The following RBM26 variants were observed in gnomAD, a reference collection of about 807,000 sequenced individuals.
RBM26 encodes RNA binding motif protein 26, also known as RNA-binding protein 26.
Under a neutral mutation model 123.6 loss-of-function variants are expected in RBM26, and 30 were observed. That is an observed-to-expected ratio of 0.24 (90% CI 0.18 to 0.33). RBM26 has a LOEUF of 0.33. RBM26 is among the 10% of genes least tolerant of loss of function. The probability of loss-of-function intolerance (pLI) is 1.00; values close to 1 mark genes in which losing one functional copy is unlikely to be tolerated. For missense variants in RBM26, 947 were observed against 1,203.6 expected, an observed-to-expected ratio of 0.79 and a Z score of 3.15; for synonymous variants, 400 against 404.4, an observed-to-expected ratio of 0.99 and a Z score of 0.13.
At chr13:79,382,535 TA>T in intron 1 of RBM26, among the ~76,000 whole-genome samples, 1 of 152,284 alleles carries the variant, frequency 6.6e-6, no homozygotes, top group African/African-American at 2.4e-5. Context: ...CAACTGCAAT[TA>T]CTCTTCTGTG....
intron 20 of RBM26, among the ~76,000 whole-genome samples, chr13:79,331,718 A>G (rs1340458960): frequency 6.6e-6 from 1 of 152,164 alleles, no homozygotes; most frequent in Non-Finnish European, 1.5e-5. Context: ...CAGCAACTTA[A>G]TTATTCCTAT....
At chr13:79,385,261 T>C (rs2077385729) in intron 1 of RBM26, among the ~76,000 whole-genome samples, 1 of 152,168 alleles carries the variant, frequency 6.6e-6, no homozygotes, top group Non-Finnish European at 1.5e-5. Context: ...CTTCACTTAA[T>C]TCAAACAAGA....
At chr13:79,387,828 T>G in intron 1 of RBM26, among the ~76,000 whole-genome samples, 1 of 152,222 alleles carries the variant, frequency 6.6e-6, no homozygotes, top group East Asian at 1.9e-4. Flanking sequence ...AAATAAATTC[T>G]ACTTAATAGA....
chr13:79,396,576 C>A (rs1211424035), intron 1 of RBM26, among the ~76,000 whole-genome samples: 1 of 152,036 alleles, frequency 6.6e-6, no homozygotes, highest in Non-Finnish European at 1.5e-5. Context: ...CAGCCCTATA[C>A]CTATTAAAGA....
Position 79,355,439 on chromosome 13 carries a change from A to G in RBM26, c.1690-55T>C, listed in dbSNP as rs1220087858. On this transcript the variant is annotated intron_variant, in intron 11 of 21. Transcript: ENST00000438737. Reference sequence around the variant, plus strand: ...TTTCCAAAGGAATCTGTTGCTTCATAGAGTAAAATTCCCCAGTAAGTGAAA... The same window carrying G: ...TTTCCAAAGGAATCTGTTGCTTCATGGAGTAAAATTCCCCAGTAAGTGAAA... 40 of 1,419,454 alleles carry G rather than the reference A, an allele frequency of 2.8e-5. 1 individual carries two copies. The highest frequency in any genetic ancestry group is 3.0e-5 in the Non-Finnish European group (31 of 1,023,244). 87.9% of individuals were successfully genotyped at this position (1,419,454 alleles called of 1,614,324 possible). A position where few individuals can be genotyped will look rare whatever the true frequency, so the allele number is the denominator to read the frequency against.
At chr13:79,348,257 C>G (rs1004617951) in intron 14 of RBM26, among the ~76,000 whole-genome samples, 3 of 152,006 alleles carry the variant, frequency 2.0e-5, no homozygotes, top group African/African-American at 7.2e-5. Context: ...GTATGCTGAA[C>G]TCAGAAAATA....
rs187113517 is a variant in RBM26 at position 79,366,253 on chromosome 13, T to C, written c.1136-58A>G. ...GAAAGCAAACAAATAAAACAAGTTA[T>C]TGCACATCCGAACATAATCTTCTCA... On this transcript the variant is annotated intron_variant, in intron 7 of 21. Transcript: ENST00000438737. 2.9e-4 allele frequency: 453 copies of C among 1,551,734 alleles called. 2 individuals are homozygous for C. The highest frequency in any genetic ancestry group is 7.8e-4 in the Admixed American group (43 of 55,000).
At chr13:79,392,499 T>C (rs1387704044) in intron 1 of RBM26, among the ~76,000 whole-genome samples, 1 of 146,632 alleles carries the variant, frequency 6.8e-6, no homozygotes, top group Non-Finnish European at 1.5e-5. Context: ...ATCACATATA[T>C]TCTAATATAT....
intron 3 of RBM26, among the ~76,000 whole-genome samples, chr13:79,373,517 ATATTACTATATATATTTATATAATATAT>A (rs1355376396): frequency 0.51 from 48,767 of 95,186 alleles, 13,853 homozygotes; most frequent in African/African-American, 0.57. Context: ...TTATTTATAT[ATATTACTATATATATTTATATAATATAT>A]TTATATATTA....
At chr13:79,359,831 A>G (rs1434682721) in intron 9 of RBM26, 145 bp from the exon 10 acceptor site, 1 of 200,296 alleles carries the variant, frequency 5.0e-6, no homozygotes, top group Admixed American at 5.8e-5. Context: ...GAAGAAATAG[A>G]AATAAATGTA....
chr13:79,399,773 GATT>G (rs2078904892), intron 1 of RBM26, among the ~76,000 whole-genome samples: 1 of 152,120 alleles, frequency 6.6e-6, no homozygotes, highest in Admixed American at 6.5e-5. Context: ...TGTCAGTAAG[GATT>G]ATTAAGAGAG....
intron 9 of RBM26, among the ~76,000 whole-genome samples, chr13:79,362,211 A>G (rs958184867): frequency 6.6e-6 from 1 of 152,172 alleles, no homozygotes; most frequent in African/African-American, 2.4e-5. Flanking sequence ...TGTCCTTCTC[A>G]ATGAATGATA....
Position 79,341,949 on chromosome 13 carries a change from C to A in RBM26, c.2427+715G>T, listed in dbSNP as rs547639907. On this transcript the variant is annotated intron_variant, in intron 17 of 21. Transcript: ENST00000438737. Reference sequence around the variant, plus strand: ...TGGAATACACCGAGGCTGTAAAGAACGTAAATACATTTGAATTTTATATTT... The same window carrying A: ...TGGAATACACCGAGGCTGTAAAGAAAGTAAATACATTTGAATTTTATATTT... Among the ~76,000 whole-genome samples the A allele has an allele frequency of 7.2e-5, 11 of 151,830 alleles. No homozygotes were observed. In the East Asian group the frequency reaches 2.1e-3, roughly 29 times the overall value.
intron 13 of RBM26, 35 bp downstream of exon 13, chr13:79,354,404 C>A: frequency 6.9e-7 from 1 of 1,446,822 alleles, no homozygotes; most frequent in Non-Finnish European, 9.2e-7. Context: ...TACTGAGAAC[C>A]TATTACGGGC....
At chr13:79,364,150 A>G (rs1312290429) in intron 9 of RBM26, among the ~76,000 whole-genome samples, 1 of 152,136 alleles carries the variant, frequency 6.6e-6, no homozygotes, top group Non-Finnish European at 1.5e-5. Flanking sequence ...TGTTGTTAAT[A>G]ATAGCTATTG....
rs1008743022 is a variant in RBM26 at position 79,354,533 on chromosome 13, A to G, written c.1892T>C (p.Val631Ala). 2 of 1,607,738 alleles carry G rather than the reference A, an allele frequency of 1.2e-6. No individual in the cohort carries two copies. The highest frequency in any genetic ancestry group is 1.7e-6 in the Non-Finnish European group (2 of 1,175,692). ...QPLVQQPILP[V>A]VKQSVKERLG... Reference sequence around the variant, plus strand: ...CCGCTCTTTGACTGACTGCTTCACAACAGGCAAAATGGGCTGCTGGACTAA... The same window carrying G: ...CCGCTCTTTGACTGACTGCTTCACAGCAGGCAAAATGGGCTGCTGGACTAA... Residue 631 changes from valine (V) to alanine (A), a missense_variant, in exon 13 of 22, where the codon GTT becomes GCT. Physicochemically the swap from Val to Ala is moderately conservative, Grantham distance 64. Around this residue, in one of 5 missense-constraint regions of RBM26, gnomAD observed 493 missense variants for 563.1 expected, o/e 0.88. Coordinates refer to ENST00000438737, the MANE Select transcript of RBM26 (RefSeq NM_001366735.2).
chr13:79,341,081 T>A (rs2071295249), intron 18 of RBM26, 42 bp downstream of exon 18: 1 of 1,149,232 alleles, frequency 8.7e-7, no homozygotes. Flanking sequence ...ACAACTACAT[T>A]TGCTTCTTTT....
chr13:79,401,521 T>C (rs1340073086), intron 1 of RBM26, among the ~76,000 whole-genome samples: 2 of 152,222 alleles, frequency 1.3e-5, no homozygotes, highest in Non-Finnish European at 2.9e-5. Context: ...ATAACAATGC[T>C]TACCTCATAA....
chr13:79,354,744 G>A (rs1209624420), intron 12 of RBM26, among the ~76,000 whole-genome samples, 174 bp from the exon 13 acceptor site: 1 of 152,134 alleles, frequency 6.6e-6, no homozygotes, highest in Non-Finnish European at 1.5e-5. Context: ...TGTTTTCTTT[G>A]CATAAAATAA....
Sources: allele counts gnomAD v4.1 joint callset (sites outside exome capture counted in the v4.1 genomes callset), GRCh38; gene constraint gnomAD v4.1.1; regional missense constraint gnomAD v4.1.1; transcripts MANE v1.5; gene names NCBI Gene and HGNC (gene_info 2026-07-23, HGNC 2026-07-21).